Variants in NELL1 observed in about 807,000 individuals in gnomAD.
The protein encoded by NELL1 is neural EGFL like 1, also known as protein kinase C-binding protein NELL1.
Under a neutral mutation model 107.4 loss-of-function variants are expected in NELL1, and 76 were observed. The ratio of observed to expected loss-of-function variants is 0.71; its 90% CI spans 0.59 to 0.86. The LOEUF (loss-of-function observed/expected upper bound fraction) is 0.86, where lower values mean the gene tolerates loss of function less well. Ranked by LOEUF, NELL1 falls within the 40% of genes least tolerant of loss-of-function variation. NELL1 has a pLI of 0.00. For synonymous variants in NELL1, 353 were observed against 341.2 expected, an observed-to-expected ratio of 1.03 and a Z score of -0.38; for missense variants, 1,024 against 1,005.5, an observed-to-expected ratio of 1.02 and a Z score of -0.25.
At chr11:20,920,079 A>G (rs1850344777) in intron 7 of NELL1, among the ~76,000 whole-genome samples, 1 of 152,154 alleles carries the variant, frequency 6.6e-6, no homozygotes, top group Non-Finnish European at 1.5e-5. Flanking sequence ...ATTCATAATG[A>G]AAAGCCCTGA....
intron 12 of NELL1, among the ~76,000 whole-genome samples, chr11:21,092,909 C>T (rs2138598): frequency 4.5e-4 from 68 of 151,772 alleles, no homozygotes; most frequent in South Asian, 3.1e-3. Context: ...TGCAGATGAA[C>T]GCAGAAATCT....
chr11:20,785,179 G>C (rs1473693017), intron 3 of NELL1, among the ~76,000 whole-genome samples: 2 of 152,214 alleles, frequency 1.3e-5, no homozygotes, highest in African/African-American at 2.4e-5. Context: ...AATTTGGCTG[G>C]AACAGAGGCT....
intron 13 of NELL1, among the ~76,000 whole-genome samples, chr11:21,222,069 C>G (rs1211240666): frequency 6.6e-6 from 1 of 151,916 alleles, no homozygotes; most frequent in Admixed American, 6.6e-5. Flanking sequence ...TTTTATTTAC[C>G]TAGGTCTTTT....
chr11:20,987,099 A>G (rs1052716311), intron 12 of NELL1, among the ~76,000 whole-genome samples: 6 of 152,176 alleles, frequency 3.9e-5, no homozygotes, highest in African/African-American at 1.2e-4. Context: ...TTTAATAGAT[A>G]AGAAGGAAAC....
chr11:21,002,566 A>G (rs2134275395), intron 12 of NELL1, among the ~76,000 whole-genome samples: 1 of 152,294 alleles, frequency 6.6e-6, no homozygotes, highest in Admixed American at 6.5e-5. Context: ...CTCAGCCAGA[A>G]AAGTCTCCAT....
At chr11:21,393,786 C>A (rs1285995668) in intron 15 of NELL1, among the ~76,000 whole-genome samples, 1 of 151,652 alleles carries the variant, frequency 6.6e-6, no homozygotes, top group Non-Finnish European at 1.5e-5. Flanking sequence ...AGATGACTGA[C>A]TATGAAATAG....
intron 18 of NELL1, among the ~76,000 whole-genome samples, chr11:21,572,852 C>T (rs985794105): frequency 6.6e-6 from 1 of 151,786 alleles, no homozygotes; most frequent in African/African-American, 2.4e-5. Flanking sequence ...GAGAAAGTAA[C>T]AAGCAGAAAG....
intron 15 of NELL1, among the ~76,000 whole-genome samples, chr11:21,393,277 A>G (rs1396386898): frequency 6.6e-6 from 1 of 151,718 alleles, no homozygotes; most frequent in Admixed American, 6.6e-5. Context: ...TCCTTTGTGG[A>G]AGTTACAAAT....
At chr11:21,294,864 A>G (rs780310113) in intron 14 of NELL1, among the ~76,000 whole-genome samples, 5 of 152,080 alleles carry the variant, frequency 3.3e-5, no homozygotes, top group Admixed American at 6.6e-5. Flanking sequence ...AAAAAATACT[A>G]TAGACTCACA....
At chr11:20,950,080 T>G (rs1851040789) in intron 11 of NELL1, among the ~76,000 whole-genome samples, 1 of 152,188 alleles carries the variant, frequency 6.6e-6, no homozygotes, top group Non-Finnish European at 1.5e-5. Context: ...ATTAACCATT[T>G]GGATTTCTTC....
At chr11:20,835,689 T>C (rs552540365) in intron 3 of NELL1, among the ~76,000 whole-genome samples, 2 of 152,206 alleles carry the variant, frequency 1.3e-5, no homozygotes, top group South Asian at 4.1e-4. Flanking sequence ...CGTTCTTTTC[T>C]TCCTAAAAAA....
At position 21,485,728 on chromosome 11, in the gene NELL1, G is replaced by C. The variant is rs113793107; in HGVS notation, c.1646-48646G>C. On this transcript the variant is annotated intron_variant, in intron 15 of 19. Transcript: ENST00000357134. ...CTGAACATTCTGCCAATAATCTGGGGACCATCCCATTCCTGCCTATTACAG... is the reference window on the plus strand; with the variant it reads ...CTGAACATTCTGCCAATAATCTGGGCACCATCCCATTCCTGCCTATTACAG... Among the ~76,000 whole-genome samples, 257 of 151,680 alleles carry C rather than the reference G, an allele frequency of 1.7e-3. 1 individual carries two copies. The highest frequency in any genetic ancestry group is 5.8e-3 in the African/African-American group (238 of 41,308).
chr11:21,533,242 C>G (rs1024594016), intron 15 of NELL1, among the ~76,000 whole-genome samples: 12 of 152,086 alleles, frequency 7.9e-5, no homozygotes, highest in Non-Finnish European at 1.6e-4. Context: ...AAATTAACAG[C>G]CCGGTGCACA....
At chr11:21,258,083 A>T (rs1297635684) in intron 14 of NELL1, among the ~76,000 whole-genome samples, 1 of 152,000 alleles carries the variant, frequency 6.6e-6, no homozygotes, top group Non-Finnish European at 1.5e-5. Context: ...TTAAAATCAG[A>T]TGTTGAAGCA....
chr11:20,944,503 G>T (rs996815326), intron 10 of NELL1, among the ~76,000 whole-genome samples: 1 of 152,294 alleles, frequency 6.6e-6, no homozygotes, highest in East Asian at 1.9e-4. Context: ...TACAGAACTT[G>T]AAAGTGTATG....
At chr11:21,493,881 T>G (rs188679870) in intron 15 of NELL1, among the ~76,000 whole-genome samples, 2 of 152,130 alleles carry the variant, frequency 1.3e-5, no homozygotes, top group Non-Finnish European at 1.5e-5. Flanking sequence ...ATGTAAAATA[T>G]TTTGTATCAG....
At chr11:20,992,926 G>C (rs1852008147) in intron 12 of NELL1, among the ~76,000 whole-genome samples, 1 of 151,846 alleles carries the variant, frequency 6.6e-6, no homozygotes, top group South Asian at 2.1e-4. Flanking sequence ...TGTTGGCCAG[G>C]ATGGTCTCAA....
intron 12 of NELL1, among the ~76,000 whole-genome samples, chr11:20,998,783 G>A (rs1045507078): frequency 2.6e-5 from 4 of 152,168 alleles, no homozygotes; most frequent in Non-Finnish European, 5.9e-5. Flanking sequence ...TTCTGTAGAA[G>A]ATGAGATTGG....
At chr11:21,280,877 A>G (rs1214368830) in intron 14 of NELL1, among the ~76,000 whole-genome samples, 1 of 152,178 alleles carries the variant, frequency 6.6e-6, no homozygotes, top group African/African-American at 2.4e-5. Context: ...TAAACAGTCT[A>G]GGCCACAGGG....
Sources: gnomAD v4.1 joint callset for allele counts (sites outside exome capture counted in the v4.1 genomes callset) on GRCh38, gnomAD v4.1.1 for gene constraint, MANE v1.5 for transcripts, NCBI Gene and HGNC (gene_info 2026-07-23, HGNC 2026-07-21) for gene names.